ARAP2: variants seen among roughly 807,000 people sequenced by gnomAD.
The protein encoded by ARAP2 is arf-GAP with Rho-GAP domain, ANK repeat and PH domain-containing protein 2.
A neutral mutation model predicts 194.5 loss-of-function variants in ARAP2; 148 were observed. That is an observed-to-expected ratio of 0.76 (90% CI 0.67 to 0.87). ARAP2 has a LOEUF of 0.87. Ranked by LOEUF, ARAP2 falls within the 40% of genes least tolerant of loss-of-function variation. The probability of loss-of-function intolerance (pLI) is 0.00; values close to 1 mark genes in which losing one functional copy is unlikely to be tolerated. For missense variants in ARAP2, 2,128 were observed against 1,989.7 expected, an observed-to-expected ratio of 1.07 and a Z score of -1.32; for synonymous variants, 695 against 683.5, an observed-to-expected ratio of 1.02 and a Z score of -0.26.
At chr4:36,156,200 T>A (rs1164709511) in intron 15 of ARAP2, among the ~76,000 whole-genome samples, 1 of 151,108 alleles carries the variant, frequency 6.6e-6, no homozygotes, top group Non-Finnish European at 1.5e-5. Flanking sequence ...GATAATTACT[T>A]GAACCCAGGA....
At chr4:36,043,921 A>G (rs1233310174) in intron 5 of ARAP2, among the ~76,000 whole-genome samples, 2 of 151,024 alleles carry the variant, frequency 1.3e-5, no homozygotes, top group African/African-American at 4.9e-5. Flanking sequence ...AGAAAAAGAG[A>G]AAGAAAGAGA....
chr4:36,089,957 C>T (rs1206904383), intron 28 of ARAP2, among the ~76,000 whole-genome samples: 131 of 151,888 alleles, frequency 8.6e-4, no homozygotes, highest in Non-Finnish European at 2.9e-4. Flanking sequence ...GATGAGCATG[C>T]TATTATTATT....
intron 32 of ARAP2, among the ~76,000 whole-genome samples, chr4:36,068,802 G>T (rs945887752): frequency 1.3e-5 from 2 of 152,168 alleles, no homozygotes; most frequent in African/African-American, 2.4e-5. Context: ...TGTATTTAAC[G>T]CCTTTTTTAT....
Position 36,067,311 on chromosome 4 carries a change from T to A in ARAP2, c.*596A>T, listed in dbSNP as rs1725700325. On this transcript the variant is annotated 3_prime_UTR_variant, in exon 33 of 33. Transcript: ENST00000303965. ...GTTTCTCATTGACAAGTTCTGGTCA[T>A]TAGTGAACTAGAATGAATCTTAGCT... 1 of 152,696 alleles carries A rather than the reference T, an allele frequency of 6.5e-6. No individual in the cohort carries two copies. The highest frequency in any genetic ancestry group is 6.5e-5 in the Admixed American group (1 of 15,288). 9.5% of individuals were successfully genotyped at this position (152,696 alleles called of 1,614,324 possible).
chr4:36,078,687 A>G (rs1236312145), intron 31 of ARAP2, among the ~76,000 whole-genome samples: 1 of 152,158 alleles, frequency 6.6e-6, no homozygotes, highest in African/African-American at 2.4e-5. Flanking sequence ...AGTAAGAAAT[A>G]ACCTTGTAGT....
chr4:36,159,090 T>G (rs16988264), intron 14 of ARAP2, among the ~76,000 whole-genome samples: 8 of 152,190 alleles, frequency 5.3e-5, no homozygotes, highest in African/African-American at 1.9e-4. Context: ...GTGGAAATGA[T>G]TATGTGGGAT....
intron 5 of ARAP2, among the ~76,000 whole-genome samples, chr4:36,022,259 G>A (rs535407909): frequency 6.6e-6 from 1 of 152,114 alleles, no homozygotes; most frequent in Non-Finnish European, 1.5e-5. Flanking sequence ...TTTAAGAGGT[G>A]GGGAAATTCC....
chr4:36,124,834 G>A, intron 22 of ARAP2, 28 bp downstream of exon 22: 10 of 1,396,146 alleles, frequency 7.2e-6, no homozygotes, highest in Non-Finnish European at 8.0e-6. Context: ...TGTTTGAAAT[G>A]TCGAGAAAAG....
rs1159089193 is a variant in ARAP2 at position 36,229,587 on chromosome 4, G to A, written c.-101C>T. On this transcript the variant is annotated 5_prime_UTR_variant, in exon 2 of 33. Coordinates refer to ENST00000303965, the MANE Select transcript of ARAP2 (RefSeq NM_015230.4). ...TACTGGCTTTTCCTCTATCAATTGT[G>A]ACAGAAAAGTTTCTTAAAATGTTAT... 1.1e-6 allele frequency: 1 copy of A among 901,940 alleles called. No homozygotes were observed. Among genetic ancestry groups the A allele is most frequent in the African/African-American group, 1.7e-5 (1 of 60,344 alleles). The allele number at this position is 901,940 out of a possible 1,614,324, so 55.9% of individuals were successfully genotyped here. A position where few individuals can be genotyped will look rare whatever the true frequency, so the allele number is the denominator to read the frequency against.
chr4:36,215,317 A>C (rs568789816), intron 2 of ARAP2, among the ~76,000 whole-genome samples: 25 of 152,232 alleles, frequency 1.6e-4, no homozygotes, highest in Non-Finnish European at 3.2e-4. Flanking sequence ...TTAAGAAAAA[A>C]GTTCCGAAGA....
chr4:36,196,298 A>G (rs555911060), intron 6 of ARAP2, among the ~76,000 whole-genome samples: 134 of 152,156 alleles, frequency 8.8e-4, no homozygotes, highest in Non-Finnish European at 1.5e-3. Context: ...GTCCACAGAA[A>G]AAGGAGGAGG....
chr4:36,022,499 G>A (rs778536452), intron 5 of ARAP2, among the ~76,000 whole-genome samples: 1 of 152,116 alleles, frequency 6.6e-6, no homozygotes, highest in Admixed American at 6.5e-5. Flanking sequence ...AGCCTGGAGA[G>A]GTATTAAGGC....
chr4:36,242,432 C>T (rs573114539), intron 1 of ARAP2, among the ~76,000 whole-genome samples: 1 of 152,102 alleles, frequency 6.6e-6, no homozygotes, highest in Admixed American at 6.6e-5. Flanking sequence ...CTCACAGTTG[C>T]AGGGAGGTGG....
intron 28 of ARAP2, among the ~76,000 whole-genome samples, chr4:36,087,995 A>C (rs1171544111): frequency 6.6e-6 from 1 of 152,116 alleles, no homozygotes. Context: ...CTGTATAGAT[A>C]AAATGAGATA....
At chr4:36,109,380 A>T (rs1255276912) in intron 26 of ARAP2, among the ~76,000 whole-genome samples, 1 of 151,964 alleles carries the variant, frequency 6.6e-6, no homozygotes, top group Non-Finnish European at 1.5e-5. Flanking sequence ...ACAGCATAGT[A>T]TTGAATATAT....
chr4:36,028,132 A>C (rs1410625522), intron 5 of ARAP2, among the ~76,000 whole-genome samples: 1 of 152,196 alleles, frequency 6.6e-6, no homozygotes, highest in Non-Finnish European at 1.5e-5. Context: ...CTAATGTTTT[A>C]TTTATAATTT....
chr4:36,133,493 C>T, intron 19 of ARAP2, 104 bp from the exon 20 acceptor site: 1 of 1,065,100 alleles, frequency 9.4e-7, no homozygotes, highest in Non-Finnish European at 1.3e-6. Flanking sequence ...GCAAGACAAA[C>T]TCTTCTTTTA....
At chr4:36,175,651 G>GTA (rs905154575) in intron 9 of ARAP2, among the ~76,000 whole-genome samples, 5 of 152,002 alleles carry the variant, frequency 3.3e-5, no homozygotes, top group Admixed American at 6.6e-5. Flanking sequence ...GTGTGTGTGT[G>GTA]TATATATATG....
chr4:36,114,871 C>G (rs1048063713), intron 25 of ARAP2, among the ~76,000 whole-genome samples: 3 of 151,960 alleles, frequency 2.0e-5, no homozygotes, highest in Non-Finnish European at 4.4e-5. Flanking sequence ...AGTCCCAAAG[C>G]CTGAGGCCAC....
Sources: gnomAD v4.1 joint callset for allele counts (sites outside exome capture counted in the v4.1 genomes callset) on GRCh38, gnomAD v4.1.1 for gene constraint, MANE v1.5 for transcripts, NCBI Gene and HGNC (gene_info 2026-07-23, HGNC 2026-07-21) for gene names.